CASQ1: variants seen among roughly 807,000 people sequenced by gnomAD.
CASQ1 encodes calsequestrin-1.
CASQ1 carries 40 observed loss-of-function variants against 49.5 expected under a neutral mutation model. The observed-to-expected ratio is 0.81, with a 90% CI of 0.63 to 1.05. CASQ1 has a LOEUF of 1.05. Among genes scored for constraint, CASQ1 ranks in the 50% least tolerant of loss-of-function variants. The pLI is 0.00. For synonymous variants in CASQ1, 174 were observed against 187.2 expected, an observed-to-expected ratio of 0.93 and a Z score of 0.58; for missense variants, 469 against 486.9, an observed-to-expected ratio of 0.96 and a Z score of 0.35.
At position 160,193,761 on chromosome 1, in the gene CASQ1, G is replaced by A; in HGVS notation, c.379G>A (p.Asp127Asn). Reference protein sequence around the residue: ...VAKKLGLTEVDSMYVFKGDEV... With the variant: ...VAKKLGLTEVNSMYVFKGDEV... ...TCACTCCCTAGGCCTAACTGAAGTGGACAGCATGTATGTATTCAAGGGAGA... is the reference window on the plus strand; with the variant it reads ...TCACTCCCTAGGCCTAACTGAAGTGAACAGCATGTATGTATTCAAGGGAGA... Residue 127 changes from aspartate (D) to asparagine (N), a missense_variant, in exon 3 of 11, where the codon GAC becomes AAC. Coordinates refer to ENST00000368078, the MANE Select transcript of CASQ1 (RefSeq NM_001231.5). 6.2e-7 allele frequency: 1 copy of A among 1,609,666 alleles called. No homozygotes were observed. Among genetic ancestry groups the A allele is most frequent in the South Asian group, 1.1e-5 (1 of 90,840 alleles).
rs55804336 is a variant in CASQ1 at position 160,195,062 on chromosome 1, G to A, written c.516G>A (p.Ala172=). ...TTGAAGGTGAACGAGAGCTGCAGGC[G>A]TTTGAGAATATTGAGGATGAGATCA... ...ELIEGERELQ[A]FENIEDEIKL... is the part of the protein sequence containing the mutation. The change falls in exon 4 of 11, where the codon GCG becomes GCA. Residue 172 remains alanine (A), a synonymous_variant. Transcript: ENST00000368078. The A allele has an allele frequency of 1.0e-3, 1,665 of 1,613,358 alleles. 1 individual carries two copies. Among genetic ancestry groups the A allele is most frequent in the Non-Finnish European group, 1.3e-3 (1,586 of 1,179,602 alleles).
chr1:160,196,061 G>A lies in CASQ1; in HGVS notation c.782+34G>A, dbSNP rs74123284. 3,954 of 1,609,426 alleles carry A rather than the reference G, an allele frequency of 2.5e-3. 87 individuals are homozygous for A. The African/African-American group carries it at 0.045, about 18-fold the overall frequency. On this transcript the variant is annotated intron_variant, in intron 6 of 10. Transcript: ENST00000368078. ...CAAGGGCAACCCTCTCAGCGGGGTC[G>A]GCTCCTCCTTGGGCTAGAACACACT... is the stretch of plus-strand genomic sequence containing the variant.
chr1:160,191,042 G>C lies in CASQ1; in HGVS notation c.279+12G>C, dbSNP rs1654063206. 1 of 1,612,968 alleles carries C rather than the reference G, an allele frequency of 6.2e-7. No homozygotes were observed. Among genetic ancestry groups the C allele is most frequent in the Non-Finnish European group, 8.5e-7 (1 of 1,179,404 alleles). ...AGCTGATCCTGGAGGTGAGTTGGGG[G>C]CACTGCAGGCCTGCAGAGCATGTCT... On this transcript the variant is annotated intron_variant, in intron 1 of 10. Transcript: ENST00000368078.
intron 3 of CASQ1, among the ~76,000 whole-genome samples, chr1:160,194,701 C>T (rs1050024252): frequency 2.7e-5 from 4 of 150,870 alleles, no homozygotes; most frequent in Non-Finnish European, 5.9e-5. Flanking sequence ...ACCTACATAC[C>T]GAACACTACA....
At chr1:160,198,900 G>A in intron 8 of CASQ1, 53 bp from the exon 9 acceptor site, 1 of 1,252,296 alleles carries the variant, frequency 8.0e-7, no homozygotes, top group Non-Finnish European at 1.2e-6. Flanking sequence ...TGTTTCACCT[G>A]GGTCCCTTTC....
At position 160,191,164 on chromosome 1, in the gene CASQ1, A is replaced by C. The variant is rs1654067623; in HGVS notation, c.279+134A>C. ...GTGTGGTAGGAACCCTGTCCTGACC[A>C]ACAGGATGCAAGTGGCATGTGGCTT... On this transcript the variant is annotated intron_variant, in intron 1 of 10. Coordinates refer to ENST00000368078, the MANE Select transcript of CASQ1 (RefSeq NM_001231.5). 5.7e-6 allele frequency: 5 copies of C among 871,018 alleles called. No homozygotes were observed. The South Asian group carries it at 9.0e-5, about 16-fold the overall frequency. The allele number at this position is 871,018 out of a possible 1,614,324, so 54.0% of individuals were successfully genotyped here.
At position 160,193,992 on chromosome 1, in the gene CASQ1, C is replaced by T. The variant is rs377212815; in HGVS notation, c.465+145C>T. The T allele has an allele frequency of 4.3e-3, 2,636 of 607,900 alleles. 16 individuals are homozygous for T. The highest frequency in any genetic ancestry group is 0.017 in the African/African-American group (912 of 52,182). The allele number at this position is 607,900 out of a possible 1,614,324, so 37.7% of individuals were successfully genotyped here. Reference sequence around the variant, plus strand: ...GCACACACACCATACATACACCACACGCACACACACCATACATACACACAC... The same window carrying T: ...GCACACACACCATACATACACCACATGCACACACACCATACATACACACAC... On this transcript the variant is annotated intron_variant, in intron 3 of 10. Transcript: ENST00000368078.
chr1:160,193,951 C>T, intron 3 of CASQ1, 104 bp downstream of exon 3: 1 of 717,672 alleles, frequency 1.4e-6, no homozygotes, highest in Non-Finnish European at 2.5e-6. Context: ...ACCACACACA[C>T]ACACATACAC....
At chr1:160,195,255 C>T (rs1441850583) in intron 4 of CASQ1, 132 bp downstream of exon 4, 4 of 727,378 alleles carry the variant, frequency 5.5e-6, no homozygotes, top group African/African-American at 1.8e-5. Context: ...CCGTGGTCAG[C>T]ACCATCAACA....
intron 1 of CASQ1, among the ~76,000 whole-genome samples, chr1:160,192,317 C>T (rs1654097321): frequency 6.6e-6 from 1 of 152,098 alleles, no homozygotes; most frequent in Non-Finnish European, 1.5e-5. Context: ...CATGACCAGA[C>T]CCACCACTAC....
At chr1:160,199,076 T>C (rs1015707909) in intron 9 of CASQ1, 23 bp downstream of exon 9, 13 of 1,386,116 alleles carry the variant, frequency 9.4e-6, no homozygotes, top group African/African-American at 5.7e-5. Context: ...GCTCAGGCAC[T>C]GCTATCTTAA....
intron 10 of CASQ1, among the ~76,000 whole-genome samples, chr1:160,200,898 A>AAGAT (rs1219373373): frequency 1.3e-5 from 2 of 152,152 alleles, no homozygotes; most frequent in African/African-American, 4.8e-5. Flanking sequence ...GAAAGAAAGA[A>AAGAT]ATGTCCTGAA....
Position 160,198,942 on chromosome 1 carries a change from T to C in CASQ1, c.884-11T>C. 2 of 1,561,338 alleles carry C rather than the reference T, an allele frequency of 1.3e-6. No homozygotes were observed. Among genetic ancestry groups the C allele is most frequent in the Non-Finnish European group, 1.8e-6 (2 of 1,131,756 alleles). ...ACACACCTCATACCTTGTACTTGTG[T>C]TCCCTCCAAGATGGTTTCGAGTTCT... On this transcript the variant is annotated splice_polypyrimidine_tract_variant and intron_variant, in intron 8 of 10. Transcript: ENST00000368078.
Position 160,193,801 on chromosome 1 carries a change from AC to A in CASQ1, c.420del (p.Tyr140Ter). 6.2e-7 allele frequency: 1 copy of A among 1,613,088 alleles called. No homozygotes were observed. The highest frequency in any genetic ancestry group is 8.5e-7 in the Non-Finnish European group (1 of 1,179,384). On this transcript the variant is annotated frameshift_variant, in exon 3 of 11. Coordinates refer to ENST00000368078, the MANE Select transcript of CASQ1 (RefSeq NM_001231.5). LOFTEE classifies it high-confidence loss of function. The stretch of plus-strand genomic sequence containing the variant: ...TTCAAGGGAGATGAAGTCATTGAGT[AC>A]GATGGCGAGTTTTCTGCTGACACCA... ...YVFKGDEVIE[Y>X]DGEFSADTIV...
At chr1:160,193,019 A>G (rs910057674) in intron 2 of CASQ1, 133 bp downstream of exon 2, 2 of 706,516 alleles carry the variant, frequency 2.8e-6, no homozygotes, top group Non-Finnish European at 5.0e-6. Flanking sequence ...ATTCTAAAAG[A>G]GGGGGTGAGA....
chr1:160,201,120 C>T, intron 10 of CASQ1, 125 bp from the exon 11 acceptor site: 1 of 1,025,020 alleles, frequency 9.8e-7, no homozygotes, highest in South Asian at 1.5e-5. Flanking sequence ...TTTCCCTGGC[C>T]TTTGGCAGAT....
intron 7 of CASQ1, among the ~76,000 whole-genome samples, chr1:160,197,907 T>G (rs1391044867): frequency 6.6e-6 from 1 of 151,766 alleles, no homozygotes; most frequent in Non-Finnish European, 1.5e-5. Flanking sequence ...TAGTCCCAGC[T>G]ACTTGGGAGG....
intron 1 of CASQ1, among the ~76,000 whole-genome samples, chr1:160,191,776 C>T (rs1276299989): frequency 6.6e-6 from 1 of 152,192 alleles, no homozygotes; most frequent in East Asian, 1.9e-4. Flanking sequence ...TGTGTTCATA[C>T]ACACACACCT....
intron 8 of CASQ1, 38 bp downstream of exon 8, chr1:160,198,769 A>C: frequency 6.3e-7 from 1 of 1,582,478 alleles, no homozygotes; most frequent in Non-Finnish European, 8.7e-7. Context: ...GAGGGAAGGC[A>C]GGGGGAGGTG....
Sources: gnomAD v4.1 joint callset for allele counts (sites outside exome capture counted in the v4.1 genomes callset) on GRCh38, gnomAD v4.1.1 for gene constraint, MANE v1.5 for transcripts, NCBI Gene and HGNC (gene_info 2026-07-23, HGNC 2026-07-21) for gene names.